Variants in SYNPR observed in about 807,000 individuals in gnomAD.
The protein encoded by SYNPR is synaptoporin.
In SYNPR, 23 loss-of-function variants were observed where a neutral mutation model predicts 32.9. The ratio of observed to expected loss-of-function variants is 0.70; its 90% CI spans 0.50 to 0.99. The LOEUF (loss-of-function observed/expected upper bound fraction) is 0.99. SYNPR is among the 50% of genes least tolerant of loss of function. SYNPR has a pLI of 0.00. For missense variants in SYNPR, 318 were observed against 349.3 expected, an observed-to-expected ratio of 0.91 and a Z score of 0.71; for synonymous variants, 146 against 135.9, an observed-to-expected ratio of 1.07 and a Z score of -0.52.
the SYNPR span, among the ~76,000 whole-genome samples, chr3:63,218,647 C>T: frequency 3.2e-4 from 48 of 152,306 alleles, no homozygotes; most frequent in Admixed American, 2.8e-3. Flanking sequence ...CTCCTGACTT[C>T]GTGATCCGTC....
At chr3:63,596,024 T>C (rs1308646553) in intron 4 of SYNPR, among the ~76,000 whole-genome samples, 1 of 144,256 alleles carries the variant, frequency 6.9e-6, no homozygotes, top group Non-Finnish European at 1.5e-5. Flanking sequence ...CTTTAAGTTA[T>C]AGGGTACATG....
At chr3:63,460,004 C>G (rs1236199261) in intron 2 of SYNPR, among the ~76,000 whole-genome samples, 1 of 152,100 alleles carries the variant, frequency 6.6e-6, no homozygotes, top group Non-Finnish European at 1.5e-5. Flanking sequence ...CTGTCTGTCT[C>G]AGATGACTGC....
At chr3:63,436,178 A>C (rs553839121) in intron 2 of SYNPR, among the ~76,000 whole-genome samples, 15 of 151,276 alleles carry the variant, frequency 9.9e-5, no homozygotes, top group Non-Finnish European at 2.1e-4. Flanking sequence ...GTGAGCCCCC[A>C]GGTGAGTTTT....
chr3:63,256,712 G>A (rs998020231), intron 2 of SYNPR, among the ~76,000 whole-genome samples: 3 of 152,156 alleles, frequency 2.0e-5, no homozygotes, highest in Non-Finnish European at 4.4e-5. Context: ...GAACAAAGCT[G>A]GACAGAGAAT....
chr3:63,405,659 A>G (rs2088350412), intron 2 of SYNPR, among the ~76,000 whole-genome samples: 1 of 152,186 alleles, frequency 6.6e-6, no homozygotes, highest in Admixed American at 6.5e-5. Context: ...CAGACCCTTC[A>G]GGCTGCCATG....
chr3:63,463,315 C>A (rs1423845873), intron 2 of SYNPR, among the ~76,000 whole-genome samples: 2 of 151,986 alleles, frequency 1.3e-5, no homozygotes, highest in East Asian at 3.9e-4. Flanking sequence ...AGTTTTGGTG[C>A]ACATGGAAAT....
At chr3:63,251,998 T>C (rs2086336202) in intron 1 of SYNPR, among the ~76,000 whole-genome samples, 1 of 151,918 alleles carries the variant, frequency 6.6e-6, no homozygotes, top group Admixed American at 6.6e-5. Context: ...ATAGTCTCTA[T>C]CAATTTAATA....
intron 2 of SYNPR, among the ~76,000 whole-genome samples, chr3:63,382,570 G>T (rs1320559654): frequency 6.6e-6 from 1 of 152,184 alleles, no homozygotes; most frequent in African/African-American, 2.4e-5. Context: ...GCCCTCATTG[G>T]TATTTCCAGA....
chr3:63,341,054 C>T (rs2087363684), intron 2 of SYNPR, among the ~76,000 whole-genome samples: 1 of 152,122 alleles, frequency 6.6e-6, no homozygotes, highest in Non-Finnish European at 1.5e-5. Flanking sequence ...TCCTTCTTCC[C>T]CACTAACTCC....
chr3:63,307,026 G>A (rs1202767041), intron 2 of SYNPR, among the ~76,000 whole-genome samples: 1 of 152,056 alleles, frequency 6.6e-6, no homozygotes, highest in Non-Finnish European at 1.5e-5. Context: ...ACTGTGCTGA[G>A]TGAAACATCT....
At chr3:63,548,876 A>G (rs1049744477) in intron 3 of SYNPR, among the ~76,000 whole-genome samples, 11 of 152,154 alleles carry the variant, frequency 7.2e-5, no homozygotes, top group Non-Finnish European at 1.6e-4. Context: ...CGCCAAATGT[A>G]TTGGTAGGAG....
intron 3 of SYNPR, among the ~76,000 whole-genome samples, chr3:63,500,436 C>G (rs1701457469): frequency 6.6e-6 from 1 of 152,122 alleles, no homozygotes. Flanking sequence ...CTGTTTTTAT[C>G]TCCGCAATAA....
At chr3:63,542,928 T>A (rs192264182) in intron 3 of SYNPR, among the ~76,000 whole-genome samples, 2 of 152,126 alleles carry the variant, frequency 1.3e-5, no homozygotes, top group African/African-American at 4.8e-5. Flanking sequence ...ATTTATCATC[T>A]AGATCAGCAG....
chr3:63,266,182 A>C (rs2086483882), intron 2 of SYNPR, among the ~76,000 whole-genome samples: 1 of 152,222 alleles, frequency 6.6e-6, no homozygotes, highest in Non-Finnish European at 1.5e-5. Flanking sequence ...CATGTTCCCT[A>C]ACTAGAAGTT....
chr3:63,599,849 T>A (rs1700012984), intron 4 of SYNPR, among the ~76,000 whole-genome samples: 3 of 152,218 alleles, frequency 2.0e-5, no homozygotes, highest in Admixed American at 6.5e-5. Context: ...CACATATAAT[T>A]TCTAAGTAGT....
chr3:63,433,442 T>C (rs937927995), intron 2 of SYNPR, among the ~76,000 whole-genome samples: 2 of 152,234 alleles, frequency 1.3e-5, no homozygotes, highest in African/African-American at 2.4e-5. Context: ...GGTTTTTCTC[T>C]GCGTGAGAAT....
chr3:63,439,840 C>T (rs1238201405), intron 2 of SYNPR, among the ~76,000 whole-genome samples: 1 of 152,116 alleles, frequency 6.6e-6, no homozygotes, highest in Non-Finnish European at 1.5e-5. Context: ...GTTTCTTCAC[C>T]ACCATCTCAA....
At chr3:63,587,146 T>G (rs1002877141) in intron 4 of SYNPR, among the ~76,000 whole-genome samples, 1 of 152,072 alleles carries the variant, frequency 6.6e-6, no homozygotes, top group Non-Finnish European at 1.5e-5. Context: ...ATTGAGTTAT[T>G]TCAGTTGAAT....
At chr3:63,344,310 A>C (rs574934416) in intron 2 of SYNPR, among the ~76,000 whole-genome samples, 1 of 152,100 alleles carries the variant, frequency 6.6e-6, no homozygotes, top group Non-Finnish European at 1.5e-5. Context: ...CTATCTTATG[A>C]TTAGGAAGGA....
Sources: allele counts gnomAD v4.1 joint callset (sites outside exome capture counted in the v4.1 genomes callset), GRCh38; gene constraint gnomAD v4.1.1; transcripts MANE v1.5; gene names NCBI Gene and HGNC (gene_info 2026-07-23, HGNC 2026-07-21).